The following SLC5A10 variants were observed in gnomAD, a reference collection of about 807,000 sequenced individuals.
SLC5A10 encodes sodium/mannose cotransporter SLC5A10.
In SLC5A10, 55 loss-of-function variants were observed where a neutral mutation model predicts 68.9. The observed-to-expected ratio is 0.80, with a 90% CI of 0.64 to 1.00. The LOEUF (loss-of-function observed/expected upper bound fraction) is 1.00, where lower values mean the gene tolerates loss of function less well. Ranked by LOEUF, SLC5A10 falls within the 50% of genes least tolerant of loss-of-function variation. The pLI is 0.00. For missense variants in SLC5A10, 732 were observed against 819.3 expected (o/e 0.89, Z 1.30); for synonymous variants, 344 against 344.8 (o/e 1.00, Z 0.02).
intron 9 of SLC5A10, among the ~76,000 whole-genome samples, chr17:18,980,442 G>C (rs1387487147): frequency 6.6e-6 from 1 of 152,184 alleles, no homozygotes; most frequent in Admixed American, 6.5e-5. Context: ...TTGGGCATGA[G>C]GAGCACAGCG....
At chr17:18,997,976 G>A (rs533210028) in intron 9 of SLC5A10, among the ~76,000 whole-genome samples, 1 of 152,352 alleles carries the variant, frequency 6.6e-6, no homozygotes, top group South Asian at 2.1e-4. Flanking sequence ...GAAGGTCAGA[G>A]AGGCCAAGCA....
chr17:18,977,629 C>T (rs571835978), intron 9 of SLC5A10: 22 of 1,609,780 alleles, frequency 1.4e-5, no homozygotes, highest in Middle Eastern at 1.6e-4. Flanking sequence ...TCCTCTTCAA[C>T]GCATCTGCTT....
In SLC5A10 at chr17:19,019,490, G is replaced by A. The variant is rs764001907; in HGVS notation, c.1309G>A (p.Gly437Arg). ...CCCCGTCCTGCAGGACTCCAACAGC[G>A]GGCAACTCTTCATCTACATGCAGTC... Reference protein sequence around the residue: ...WIPVLQDSNSGQLFIYMQSVT... With the variant: ...WIPVLQDSNSRQLFIYMQSVT... The change falls in exon 12 of 15, where the codon GGG (glycine) becomes AGG (arginine). Residue 437 changes from glycine to arginine, a missense_variant. Coordinates refer to ENST00000395645, the MANE Select transcript of SLC5A10 (RefSeq NM_001042450.4). 7.4e-6 allele frequency: 12 copies of A among 1,612,212 alleles called. No homozygotes were observed. The highest frequency in any genetic ancestry group is 1.0e-5 in the Non-Finnish European group (12 of 1,179,930).
Position 19,004,462 on chromosome 17 carries a change from G to C in SLC5A10, c.983-8948G>C, listed in dbSNP as rs2043825294. On this transcript the variant is annotated intron_variant, in intron 9 of 14. Transcript: ENST00000395645. This position sits in a 1 kb window ranked among gnomAD's most constrained non-coding sequence, Gnocchi z 5.4. ...TCCTCGCAACTTCTGAGGGAAACTA[G>C]GGCAGCCGGGGAACTTCCCAGTAGC... 6.6e-6 allele frequency among the ~76,000 whole-genome samples: 1 copy of C among 152,170 alleles called. No homozygotes were observed. Among genetic ancestry groups the C allele is most frequent in the Non-Finnish European group, 1.5e-5 (1 of 68,008 alleles).
In SLC5A10 at chr17:18,969,388, C is replaced by G. The variant is rs1196603487; in HGVS notation, c.606C>G (p.Ile202Met). 1.2e-6 allele frequency: 2 copies of G among 1,613,726 alleles called. No homozygotes were observed. Among genetic ancestry groups the G allele is most frequent in the Admixed American group, 1.7e-5 (1 of 60,012 alleles). The change falls in exon 7 of 15, where the codon ATC becomes ATG. Residue 202 changes from isoleucine to methionine, a missense_variant. By Grantham distance (10) the Ile-to-Met change is conservative. Coordinates refer to ENST00000395645, the MANE Select transcript of SLC5A10 (RefSeq NM_001042450.4). ...VIYTDALQTL[I>M]MVVGAVILTI... ...ACACGGACGCCCTGCAGACGCTCAT[C>G]ATGGTGGTGGGGGCTGTCATCCTGA...
chr17:18,959,388 A>G (rs2042568758), intron 3 of SLC5A10, 149 bp downstream of exon 3: 2 of 953,026 alleles, frequency 2.1e-6, no homozygotes, highest in Admixed American at 2.2e-5. Context: ...TCGTGTCTTC[A>G]GAATACCAAG....
intron 8 of SLC5A10, among the ~76,000 whole-genome samples, chr17:18,972,689 C>T (rs1430235464): frequency 6.6e-6 from 1 of 152,008 alleles, no homozygotes; most frequent in Admixed American, 6.6e-5. Flanking sequence ...AGTGAAACCC[C>T]GTCTCTACTA....
intron 9 of SLC5A10, among the ~76,000 whole-genome samples, chr17:18,986,941 C>T (rs1028707341): frequency 1.3e-5 from 2 of 152,146 alleles, no homozygotes; most frequent in African/African-American, 2.4e-5. Context: ...AATTACGCGG[C>T]GGGGAGTGAG....
At position 18,977,904 on chromosome 17, in the gene SLC5A10, C is replaced by T. The variant is rs751950262; in HGVS notation, c.982+915C>T. The T allele has an allele frequency of 6.8e-6, 11 of 1,610,500 alleles. No individual in the cohort carries two copies. The highest frequency in any genetic ancestry group is 6.6e-5 in the South Asian group (6 of 91,064). Reference sequence around the variant, plus strand: ...TGGCTGTCCTGGTCACTGAGGGTTACGTAGTCGTCATCATCTTCTTCTTCC... The same window carrying T: ...TGGCTGTCCTGGTCACTGAGGGTTATGTAGTCGTCATCATCTTCTTCTTCC... On this transcript the variant is annotated intron_variant, in intron 9 of 14. Transcript: ENST00000395645.
At chr17:18,983,591 T>C (rs991860572) in intron 9 of SLC5A10, among the ~76,000 whole-genome samples, 2 of 152,094 alleles carry the variant, frequency 1.3e-5, no homozygotes, top group Admixed American at 6.5e-5. Flanking sequence ...CCAGGCCTAG[T>C]GTGAGGAATG....
intron 14 of SLC5A10, 25 bp downstream of exon 14, chr17:19,020,237 C>T (rs1451732053): frequency 6.2e-7 from 1 of 1,613,778 alleles, no homozygotes; most frequent in Non-Finnish European, 8.5e-7. Flanking sequence ...CTAGGCACTC[C>T]TCCACCTTGA....
chr17:19,021,697 G>A lies in SLC5A10; in HGVS notation c.*1266G>A, dbSNP rs1180876127. The A allele has an allele frequency of 1.2e-5, 5 of 402,986 alleles. No homozygotes were observed. Among genetic ancestry groups the A allele is most frequent in the African/African-American group, 6.2e-5 (3 of 48,648 alleles). 25.0% of individuals were successfully genotyped at this position (402,986 alleles called of 1,614,324 possible). ...GGTGGGCGGGGCCTCCACAGACTCCGCCCTGTGGTGTCACACAGCTGGCAG... is the reference window on the plus strand; with the variant it reads ...GGTGGGCGGGGCCTCCACAGACTCCACCCTGTGGTGTCACACAGCTGGCAG... On this transcript the variant is annotated 3_prime_UTR_variant, in exon 15 of 15. Transcript: ENST00000395645. This position sits in a 1 kb window ranked among gnomAD's most constrained non-coding sequence, Gnocchi z 4.1.
At chr17:18,961,489 G>A (rs1597818430) in intron 5 of SLC5A10, among the ~76,000 whole-genome samples, 1 of 152,148 alleles carries the variant, frequency 6.6e-6, no homozygotes, top group African/African-American at 2.4e-5. Context: ...GTTGGTGGTA[G>A]CAATGGGCAG....
At position 19,019,797 on chromosome 17, in the gene SLC5A10, G is replaced by A. The variant is rs370949902; in HGVS notation, c.1495G>A (p.Gly499Arg). 29 of 1,613,298 alleles carry A rather than the reference G, an allele frequency of 1.8e-5. No individual in the cohort carries two copies. The highest frequency in any genetic ancestry group is 2.2e-5 in the Non-Finnish European group (26 of 1,179,844). The change falls in exon 13 of 15, where the codon GGA becomes AGA. Residue 499 changes from glycine (G) to arginine (R), a missense_variant. Transcript: ENST00000395645. ...LEFLNPAPPC[G>R]EPDTRPAVLG... ...ATTCCTGAACCCAGCCCCACCGTGC[G>A]GAGAGCCAGACACGCGGCCAGCCGT...
At chr17:18,995,911 TAAA>T (rs555014135) in intron 9 of SLC5A10, among the ~76,000 whole-genome samples, 2 of 125,290 alleles carry the variant, frequency 1.6e-5, no homozygotes, top group Non-Finnish European at 1.8e-5. Flanking sequence ...CTGTCTCAAT[TAAA>T]AAAAAAAAAA....
At chr17:18,959,889 G>A (rs997925294) in intron 4 of SLC5A10, among the ~76,000 whole-genome samples, 2 of 152,056 alleles carry the variant, frequency 1.3e-5, no homozygotes, top group Admixed American at 6.5e-5. Context: ...CCTGGGTGCC[G>A]TGTTGGCTGG....
rs574928831 is a variant in SLC5A10, at chr17:19,012,051, C to T, written c.983-1359C>T. Among the ~76,000 whole-genome samples the T allele has an allele frequency of 7.2e-5, 11 of 152,276 alleles. 1 individual carries two copies. The highest frequency in any genetic ancestry group is 2.6e-4 in the African/African-American group (11 of 41,532). On this transcript the variant is annotated intron_variant, in intron 9 of 14. Transcript: ENST00000395645. ...TGCAGTGCTGTCAGTCAGCTTGTTT[C>T]TGAACTCCCCCGTAATCATCATCTT...
chr17:19,010,671 A>G (rs1425568312), intron 9 of SLC5A10, among the ~76,000 whole-genome samples: 1 of 152,128 alleles, frequency 6.6e-6, no homozygotes, highest in Non-Finnish European at 1.5e-5. Context: ...TATGGCTGCA[A>G]CGCCTCACCT....
chr17:19,004,015 C>A lies in SLC5A10; in HGVS notation c.983-9395C>A. 1 of 1,607,884 alleles carries A rather than the reference C, an allele frequency of 6.2e-7. No homozygotes were observed. Among genetic ancestry groups the A allele is most frequent in the Non-Finnish European group, 8.5e-7 (1 of 1,176,968 alleles). On this transcript the variant is annotated intron_variant, in intron 9 of 14. Coordinates refer to ENST00000395645, the MANE Select transcript of SLC5A10 (RefSeq NM_001042450.4). The surrounding 1 kb of genome is among the most constrained non-coding windows in gnomAD (Gnocchi z 5.4). ...AGCGCCAGTTCACATGGTTGTCGTC[C>A]AGACACTGCACCTGAGAGAAGGCCA...
Sources: allele counts gnomAD v4.1 joint callset (sites outside exome capture counted in the v4.1 genomes callset), GRCh38; gene constraint gnomAD v4.1.1; non-coding constraint Gnocchi (gnomAD v3.1); transcripts MANE v1.5; gene names NCBI Gene and HGNC (gene_info 2026-07-23, HGNC 2026-07-21).